MAF: variants seen among roughly 807,000 people sequenced by gnomAD.
MAF encodes the protein transcription factor Maf.
In MAF, 10 loss-of-function variants were observed where a neutral mutation model predicts 22.0. The ratio of observed to expected loss-of-function variants is 0.45; its 90% CI spans 0.28 to 0.77. The LOEUF (loss-of-function observed/expected upper bound fraction) is 0.77. Among genes scored for constraint, MAF ranks in the 30% least tolerant of loss-of-function variants. The probability of loss-of-function intolerance (pLI) is 0.12; values close to 1 mark genes in which losing one functional copy is unlikely to be tolerated. For missense variants in MAF, 544 were observed against 548.4 expected (o/e 0.99, Z 0.08); for synonymous variants, 337 against 255.8 (o/e 1.32, Z -3.03).
the MAF span, among the ~76,000 whole-genome samples, chr16:79,392,248 AG>A: frequency 7.0e-6 from 1 of 143,680 alleles, no homozygotes; most frequent in Middle Eastern, 4.0e-3. Context: ...GAGAGGAGAA[AG>A]AGAGAAAAGA....
chr16:79,523,394 T>C, the MAF span, among the ~76,000 whole-genome samples: 1 of 152,254 alleles, frequency 6.6e-6, no homozygotes. Context: ...TGAGGTTATG[T>C]TGAAGCTCTA....
chr16:79,396,303 A>T, the MAF span, among the ~76,000 whole-genome samples: 6 of 152,232 alleles, frequency 3.9e-5, no homozygotes, highest in African/African-American at 1.4e-4. Flanking sequence ...CAGCTTTTAA[A>T]GAAAACACAT....
chr16:79,225,765 A>C, the MAF span, among the ~76,000 whole-genome samples: 5 of 152,220 alleles, frequency 3.3e-5, no homozygotes, highest in Admixed American at 6.5e-5. Flanking sequence ...ACAGTCAGCA[A>C]ACATATGAAA....
the MAF span, among the ~76,000 whole-genome samples, chr16:79,308,331 C>T: frequency 1.3e-5 from 2 of 152,178 alleles, no homozygotes; most frequent in Non-Finnish European, 2.9e-5. Context: ...TGTTAACTTA[C>T]AAAGTCCTCC....
the MAF span, among the ~76,000 whole-genome samples, chr16:79,295,425 G>A: frequency 6.6e-6 from 1 of 152,210 alleles, no homozygotes; most frequent in South Asian, 2.1e-4. Flanking sequence ...GAGGTACAGA[G>A]AAAGCCAGAT....
the MAF span, among the ~76,000 whole-genome samples, chr16:79,503,135 C>T: frequency 6.6e-6 from 1 of 152,014 alleles, no homozygotes; most frequent in Non-Finnish European, 1.5e-5. Context: ...GGCACAAGTT[C>T]AGAAATCAAT....
chr16:79,495,392 G>A, the MAF span, among the ~76,000 whole-genome samples: 14 of 152,114 alleles, frequency 9.2e-5, no homozygotes, highest in Non-Finnish European at 1.8e-4. Context: ...GAGCCCAGGA[G>A]GTCAAGGTTG....
rs1913864250 is a variant in MAF at position 79,599,554 on chromosome 16, G to A, written c.349C>T (p.Leu117Phe). ...GFSPEDAVEA[L>F]ISNSHQLQGG... ...TGGAGCTGGTGGCTGTTGCTGATGAGCGCCTCGACCGCGTCCTCGGGGCTG... is the reference window on the plus strand; with the variant it reads ...TGGAGCTGGTGGCTGTTGCTGATGAACGCCTCGACCGCGTCCTCGGGGCTG... The change falls in exon 1 of 2, where the codon CTC becomes TTC. Residue 117 changes from leucine (L) to phenylalanine (F), a missense_variant. Leu to Phe is a conservative substitution (Grantham distance 22). Around this residue, in one of 5 missense-constraint regions of MAF, gnomAD observed 342 missense variants for 315.5 expected, o/e 1.08. Coordinates refer to ENST00000326043, the MANE Select transcript of MAF (RefSeq NM_005360.5). The A allele has an allele frequency of 6.3e-7, 1 of 1,578,782 alleles. No individual in the cohort carries two copies. Among genetic ancestry groups the A allele is most frequent in the South Asian group, 1.2e-5 (1 of 86,878 alleles).
chr16:79,248,322 T>C, the MAF span, among the ~76,000 whole-genome samples: 1 of 152,222 alleles, frequency 6.6e-6, no homozygotes, highest in South Asian at 2.1e-4. Context: ...GTCTTACTAA[T>C]ACAATACAGT....
the MAF span, among the ~76,000 whole-genome samples, chr16:79,491,447 CAG>C: frequency 6.6e-6 from 1 of 152,152 alleles, no homozygotes; most frequent in African/African-American, 2.4e-5. Context: ...AAGAAACAGG[CAG>C]AGAGCCAGCT....
chr16:79,472,485 C>T, the MAF span, among the ~76,000 whole-genome samples: 1 of 152,050 alleles, frequency 6.6e-6, no homozygotes, highest in Admixed American at 6.6e-5. Flanking sequence ...GGGGAAACCT[C>T]GAAAAGATAT....
the MAF span, among the ~76,000 whole-genome samples, chr16:79,493,837 C>T: frequency 3.4e-4 from 52 of 151,690 alleles, 1 homozygote; most frequent in African/African-American, 9.9e-4. Context: ...TTGCTTCCCC[C>T]AAAGCCTTAT....
the MAF span, among the ~76,000 whole-genome samples, chr16:79,418,916 C>A: frequency 1.3e-5 from 2 of 152,158 alleles, no homozygotes; most frequent in Non-Finnish European, 2.9e-5. Flanking sequence ...CTGCTGCCTT[C>A]CCCATAATAA....
chr16:79,443,420 T>C, the MAF span, among the ~76,000 whole-genome samples: 1 of 152,186 alleles, frequency 6.6e-6, no homozygotes, highest in Non-Finnish European at 1.5e-5. Context: ...TGGGGGACTT[T>C]CTGGTTCTGG....
At chr16:79,544,190 T>G in the MAF span, among the ~76,000 whole-genome samples, 1 of 152,212 alleles carries the variant, frequency 6.6e-6, no homozygotes, top group Non-Finnish European at 1.5e-5. Context: ...GGAGCAACTA[T>G]TAAATTTACA....
At chr16:79,446,936 G>C in the MAF span, among the ~76,000 whole-genome samples, 22 of 151,900 alleles carry the variant, frequency 1.4e-4, no homozygotes, top group Admixed American at 9.2e-4. Context: ...AAAAAAAAGA[G>C]AGAGAAAAAA....
chr16:79,233,000 A>C, the MAF span, among the ~76,000 whole-genome samples: 11,059 of 151,446 alleles, frequency 0.073, 577 homozygotes, highest in Middle Eastern at 0.15. Context: ...GCCTCCATGC[A>C]CGGCTAATGT....
chr16:79,408,078 C>CAAAAAAAAAAAAAAAA, the MAF span, among the ~76,000 whole-genome samples: 1 of 81,556 alleles, frequency 1.2e-5, no homozygotes, highest in African/African-American at 5.0e-5. Flanking sequence ...TTTTACCTTT[C>CAAAAAAAAAAAAAAAA]AAAAAAAAAA....
the MAF span, among the ~76,000 whole-genome samples, chr16:79,435,225 T>C: frequency 2.0e-5 from 3 of 151,052 alleles, no homozygotes; most frequent in Admixed American, 6.6e-5. Flanking sequence ...TACACACACA[T>C]ACAAGCACAC....
Sources: gnomAD v4.1 joint callset for allele counts (sites outside exome capture counted in the v4.1 genomes callset) on GRCh38, gnomAD v4.1.1 for gene constraint, gnomAD v4.1.1 regional missense constraint, MANE v1.5 for transcripts, NCBI Gene and HGNC (gene_info 2026-07-23, HGNC 2026-07-21) for gene names.